The following ZBTB7C variants were observed in gnomAD, a reference collection of about 807,000 sequenced individuals.
ZBTB7C encodes the protein zinc finger and BTB domain containing 7C, also known as zinc finger and BTB domain-containing protein 7C.
ZBTB7C carries 8 observed loss-of-function variants against 25.7 expected under a neutral mutation model. The observed-to-expected ratio is 0.31, with a 90% CI of 0.18 to 0.56. ZBTB7C has a LOEUF of 0.56. Ranked by LOEUF, ZBTB7C falls within the 20% of genes least tolerant of loss-of-function variation. ZBTB7C has a pLI of 0.91. For synonymous variants in ZBTB7C, 394 were observed against 369.0 expected (o/e 1.07, Z -0.78); for missense variants, 824 against 855.2 (o/e 0.96, Z 0.46).
At chr18:48,266,886 A>C (rs2044330145) in intron 2 of ZBTB7C, among the ~76,000 whole-genome samples, 1 of 152,178 alleles carries the variant, frequency 6.6e-6, no homozygotes, top group Admixed American at 6.5e-5. Flanking sequence ...TAGCAAAAGG[A>C]ATATTATAAG....
At chr18:48,046,760 G>A (rs982923546) in intron 3 of ZBTB7C, among the ~76,000 whole-genome samples, 5 of 152,110 alleles carry the variant, frequency 3.3e-5, no homozygotes, top group African/African-American at 1.2e-4. Context: ...GTCTACTTGC[G>A]ACTCACAATC....
chr18:48,089,480 A>G (rs1356207614), intron 3 of ZBTB7C, among the ~76,000 whole-genome samples: 7 of 21,170 alleles, frequency 3.3e-4, no homozygotes, highest in Admixed American at 1.5e-3. Context: ...CTCCATCTCG[A>G]AAAAAAAAAA....
At chr18:48,202,144 G>C (rs1385978829) in intron 2 of ZBTB7C, among the ~76,000 whole-genome samples, 1 of 152,202 alleles carries the variant, frequency 6.6e-6, no homozygotes, top group African/African-American at 2.4e-5. Context: ...TCACGCTCAG[G>C]CACTAGGCCA....
intron 3 of ZBTB7C, among the ~76,000 whole-genome samples, chr18:48,064,060 G>C (rs1229697968): frequency 6.6e-6 from 1 of 152,188 alleles, no homozygotes. Flanking sequence ...TGGCCATGAA[G>C]AATGAGAAGG....
chr18:48,336,041 A>C (rs1345111922), intron 2 of ZBTB7C, among the ~76,000 whole-genome samples: 1 of 152,136 alleles, frequency 6.6e-6, no homozygotes, highest in East Asian at 1.9e-4. Context: ...ACAAGGAGTC[A>C]AGACTCTCCA....
intron 2 of ZBTB7C, among the ~76,000 whole-genome samples, chr18:48,218,998 C>T (rs989892476): frequency 1.4e-4 from 22 of 152,300 alleles, no homozygotes; most frequent in African/African-American, 5.3e-4. Flanking sequence ...TGTATGTGTT[C>T]ACCACAGCTT....
At chr18:48,222,689 G>T (rs1012726618) in intron 2 of ZBTB7C, among the ~76,000 whole-genome samples, 6 of 152,120 alleles carry the variant, frequency 3.9e-5, no homozygotes, top group African/African-American at 1.4e-4. Flanking sequence ...CACAGGGCAG[G>T]AGACTCTTCT....
chr18:48,183,063 T>A (rs529516066), intron 3 of ZBTB7C, among the ~76,000 whole-genome samples: 2 of 152,300 alleles, frequency 1.3e-5, no homozygotes, highest in East Asian at 3.9e-4. Flanking sequence ...TATCAATTGT[T>A]TATATAGTAA....
At chr18:48,099,086 C>A (rs907564300) in intron 3 of ZBTB7C, among the ~76,000 whole-genome samples, 1 of 152,112 alleles carries the variant, frequency 6.6e-6, no homozygotes, top group Non-Finnish European at 1.5e-5. Flanking sequence ...ATTTGCATCC[C>A]CCAAATTCTA....
intron 2 of ZBTB7C, among the ~76,000 whole-genome samples, chr18:48,219,471 C>T (rs949779191): frequency 1.4e-4 from 21 of 152,252 alleles, no homozygotes. Flanking sequence ...ATCATTCCCA[C>T]ATTCCAGGTG....
intron 2 of ZBTB7C, among the ~76,000 whole-genome samples, chr18:48,261,909 T>A (rs953687739): frequency 6.6e-6 from 1 of 152,236 alleles, no homozygotes; most frequent in African/African-American, 2.4e-5. Flanking sequence ...GCCTTCCTTG[T>A]ACAGAATACC....
At chr18:48,105,324 A>C (rs1200445249) in intron 3 of ZBTB7C, among the ~76,000 whole-genome samples, 2 of 152,166 alleles carry the variant, frequency 1.3e-5, no homozygotes, top group Non-Finnish European at 2.9e-5. Flanking sequence ...CTTTGACTGA[A>C]TTGAATCAGA....
At chr18:48,271,307 G>A (rs1027091900) in intron 2 of ZBTB7C, among the ~76,000 whole-genome samples, 1 of 151,892 alleles carries the variant, frequency 6.6e-6, no homozygotes, top group African/African-American at 2.4e-5. Context: ...TGTTGACTAG[G>A]CTCACTTATG....
At chr18:48,398,326 C>T (rs951690945) in intron 1 of ZBTB7C, among the ~76,000 whole-genome samples, 2 of 152,222 alleles carry the variant, frequency 1.3e-5, no homozygotes, top group Admixed American at 6.5e-5. Flanking sequence ...AAGAGTTTTG[C>T]TTACCAGACT....
chr18:48,156,837 C>T (rs75355604), intron 3 of ZBTB7C, among the ~76,000 whole-genome samples: 49 of 150,256 alleles, frequency 3.3e-4, no homozygotes, highest in African/African-American at 1.1e-3. Flanking sequence ...TTTTTTTCCC[C>T]GAGAGCGAGT....
intron 3 of ZBTB7C, among the ~76,000 whole-genome samples, chr18:48,080,069 T>C (rs2037923611): frequency 6.6e-6 from 1 of 152,210 alleles, no homozygotes; most frequent in Non-Finnish European, 1.5e-5. Flanking sequence ...GAATGGCGCC[T>C]TTGGGGCCCG....
At chr18:48,079,019 ACAAGTATT>A (rs1298733998) in intron 3 of ZBTB7C, among the ~76,000 whole-genome samples, 1 of 152,228 alleles carries the variant, frequency 6.6e-6, no homozygotes, top group Non-Finnish European at 1.5e-5. Context: ...ATGTTGATGT[ACAAGTATT>A]TGTTTGAGTA....
At chr18:48,119,025 T>G (rs985997245) in intron 3 of ZBTB7C, among the ~76,000 whole-genome samples, 5 of 152,282 alleles carry the variant, frequency 3.3e-5, no homozygotes, top group African/African-American at 1.2e-4. Flanking sequence ...TTTATCAATC[T>G]CAAACTTCAG....
intron 3 of ZBTB7C, among the ~76,000 whole-genome samples, chr18:48,067,085 G>A (rs1432955525): frequency 6.6e-6 from 1 of 151,928 alleles, no homozygotes; most frequent in Non-Finnish European, 1.5e-5. Context: ...CTGGGTGACA[G>A]AGCAAGTCTC....
Sources: gnomAD v4.1 joint callset for allele counts (sites outside exome capture counted in the v4.1 genomes callset) on GRCh38, gnomAD v4.1.1 for gene constraint, MANE v1.5 for transcripts, NCBI Gene and HGNC (gene_info 2026-07-23, HGNC 2026-07-21) for gene names.